TRAF2: variants seen among roughly 807,000 people sequenced by gnomAD.
TRAF2 encodes the protein TNF receptor-associated factor 2.
Under a neutral mutation model 55.6 loss-of-function variants are expected in TRAF2, and 6 were observed. That is an observed-to-expected ratio of 0.11 (90% CI 0.06 to 0.21). TRAF2 has a LOEUF of 0.21. TRAF2 is among the 10% of genes least tolerant of loss of function. The pLI is 1.00. For missense variants in TRAF2, 561 were observed against 684.5 expected (o/e 0.82, Z 2.01); for synonymous variants, 329 against 276.3 (o/e 1.19, Z -1.89).
At chr9:136,898,611 C>T in intron 1 of TRAF2, 102 bp from the exon 2 acceptor site, 6 of 1,509,052 alleles carry the variant, frequency 4.0e-6, no homozygotes, top group South Asian at 1.3e-5. Flanking sequence ...TCAGTGGGGA[C>T]CCGGCCCCTC....
chr9:136,925,714 G>A lies in TRAF2; in HGVS notation c.1319G>A (p.Arg440Gln), dbSNP rs540379507. 4.0e-5 allele frequency: 65 copies of A among 1,614,160 alleles called. No homozygotes were observed. Among genetic ancestry groups the A allele is most frequent in the East Asian group, 6.7e-5 (3 of 44,890 alleles). ...VTLMLLDQNN[R>Q]EHVIDAFRPD... ...TTAATGCTGCTCGACCAGAATAACCGGGAGCACGTGATTGACGCCTTCAGG... is the reference window on the plus strand; with the variant it reads ...TTAATGCTGCTCGACCAGAATAACCAGGAGCACGTGATTGACGCCTTCAGG... Residue 440 changes from arginine to glutamine, a missense_variant, in exon 11 of 11, where the codon CGG (arginine) becomes CAG (glutamine). Physicochemically the swap from Arg to Gln is conservative, Grantham distance 43. This residue lies in a region of TRAF2 where 135 missense variants were observed against 207.7 expected (regional missense o/e 0.65). Transcript: ENST00000247668.
chr9:136,906,247 C>G (rs999244503), intron 4 of TRAF2, among the ~76,000 whole-genome samples: 2 of 152,148 alleles, frequency 1.3e-5, no homozygotes, highest in Non-Finnish European at 2.9e-5. Flanking sequence ...CCCCTGCACT[C>G]CAGCCTAGGT....
chr9:136,925,347 C>G (rs1452368354), intron 10 of TRAF2, among the ~76,000 whole-genome samples: 1 of 152,208 alleles, frequency 6.6e-6, no homozygotes, highest in East Asian at 1.9e-4. Flanking sequence ...AATGTCTTTG[C>G]CAGATGTGTT....
At chr9:136,913,407 C>T (rs945599826) in intron 6 of TRAF2, among the ~76,000 whole-genome samples, 16 of 137,800 alleles carry the variant, frequency 1.2e-4, no homozygotes, top group African/African-American at 3.9e-4. Context: ...AAGTGATTCT[C>T]CTGCCTCAGC....
rs144092600 is a variant in TRAF2, at chr9:136,925,779, G to A, written c.1384G>A (p.Asp462Asn). ...TSSSFQRPVNDMNIASGCPLF... is the reference protein window; with the variant it reads ...TSSSFQRPVNNMNIASGCPLF... The stretch of plus-strand genomic sequence containing the variant: ...ATCCTCTTTTCAGAGGCCAGTCAAC[G>A]ACATGAACATCGCAAGCGGCTGCCC... The change falls in exon 11 of 11, where the codon GAC (aspartate) becomes AAC (asparagine). Residue 462 changes from aspartate to asparagine, a missense_variant. Physicochemically the swap from Asp to Asn is conservative, Grantham distance 23. This residue lies in a region of TRAF2 where 135 missense variants were observed against 207.7 expected (regional missense o/e 0.65). Coordinates refer to ENST00000247668, the MANE Select transcript of TRAF2 (RefSeq NM_021138.4). 1.6e-5 allele frequency: 26 copies of A among 1,614,106 alleles called. No homozygotes were observed. The highest frequency in any genetic ancestry group is 6.7e-5 in the Admixed American group (4 of 60,012).
rs554173305 is a variant in TRAF2, at chr9:136,925,542, G to A, written c.1288-141G>A. 4.8e-5 allele frequency: 39 copies of A among 805,854 alleles called. No homozygotes were observed. In the Middle Eastern group the frequency reaches 1.1e-3, roughly 23 times the overall value. 49.9% of individuals were successfully genotyped at this position (805,854 alleles called of 1,614,324 possible). ...TGGCAGGAGCAAGGCCGCCCACCACGTGGTCTCGGCTGGGCCTCAGCCTCT... is the reference window on the plus strand; with the variant it reads ...TGGCAGGAGCAAGGCCGCCCACCACATGGTCTCGGCTGGGCCTCAGCCTCT... On this transcript the variant is annotated intron_variant, in intron 10 of 10. Transcript: ENST00000247668.
chr9:136,926,314 C>T lies in TRAF2; in HGVS notation c.*413C>T, dbSNP rs535735466. 7 of 353,308 alleles carry T rather than the reference C, an allele frequency of 2.0e-5. No homozygotes were observed. Among genetic ancestry groups the T allele is most frequent in the African/African-American group, 6.4e-5 (3 of 46,882 alleles). 21.9% of individuals were successfully genotyped at this position (353,308 alleles called of 1,614,324 possible). Reference sequence around the variant, plus strand: ...GTCCCTCGGGCATGACAGGCAGAAACGAGGGCTGCTCCAGGAGAAGGGCCT... The same window carrying T: ...GTCCCTCGGGCATGACAGGCAGAAATGAGGGCTGCTCCAGGAGAAGGGCCT... On this transcript the variant is annotated 3_prime_UTR_variant, in exon 11 of 11. Transcript: ENST00000247668.
intron 7 of TRAF2, among the ~76,000 whole-genome samples, chr9:136,919,994 A>G (rs1010698113): frequency 2.6e-5 from 4 of 152,190 alleles, no homozygotes; most frequent in African/African-American, 9.7e-5. Context: ...CTGGAATCAC[A>G]GTTGCTAGCT....
chr9:136,912,223 C>T (rs541192769), intron 6 of TRAF2, among the ~76,000 whole-genome samples: 27 of 126,934 alleles, frequency 2.1e-4, no homozygotes, highest in Non-Finnish European at 3.4e-4. Flanking sequence ...AGTGCAGTGG[C>T]GCAATCTCGG....
intron 8 of TRAF2, among the ~76,000 whole-genome samples, 200 bp from the exon 9 acceptor site, chr9:136,920,838 G>A (rs572918257): frequency 5.9e-5 from 9 of 152,280 alleles, no homozygotes; most frequent in East Asian, 1.9e-4. Context: ...TTGCTGGCCC[G>A]GAGCTTCTGT....
chr9:136,883,090 G>C (rs1849393102), upstream of TRAF2, among the ~76,000 whole-genome samples: 1 of 152,050 alleles, frequency 6.6e-6, no homozygotes, highest in South Asian at 2.1e-4. Context: ...GGCTGGTCTT[G>C]AACTCCTGAT....
At chr9:136,906,118 C>G (rs188136213) in intron 4 of TRAF2, among the ~76,000 whole-genome samples, 1 of 151,934 alleles carries the variant, frequency 6.6e-6, no homozygotes, top group African/African-American at 2.4e-5. Context: ...AACAAAAAAC[C>G]AAGATGGCTC....
chr9:136,920,179 G>A lies in TRAF2; in HGVS notation c.679-55G>A, dbSNP rs550577132. ...GGCCCACGTCTTGGTGGCCGTCCCC[G>A]GGTGGGAGCCGAATGGTGGATGGAG... On this transcript the variant is annotated intron_variant, in intron 7 of 10. Transcript: ENST00000247668. The A allele has an allele frequency of 2.1e-5, 32 of 1,531,840 alleles. No homozygotes were observed. The African/African-American group carries it at 2.7e-4, about 13-fold the overall frequency. The allele number at this position is 1,531,840 out of a possible 1,614,324, so 94.9% of individuals were successfully genotyped here. A position where few individuals can be genotyped will look rare whatever the true frequency, so the allele number is the denominator to read the frequency against.
chr9:136,887,165 C>CA, intron 1 of TRAF2, among the ~76,000 whole-genome samples: 1 of 152,214 alleles, frequency 6.6e-6, no homozygotes, highest in East Asian at 1.9e-4. Context: ...TCGGGGGCAG[C>CA]AAGGAGCCAG....
chr9:136,920,673 G>A (rs968111026), intron 8 of TRAF2, among the ~76,000 whole-genome samples, 158 bp downstream of exon 8: 26 of 152,308 alleles, frequency 1.7e-4, no homozygotes, highest in African/African-American at 5.5e-4. Flanking sequence ...GGGAGGCTCT[G>A]GCCCCCTTCA....
intron 4 of TRAF2, 87 bp downstream of exon 4, chr9:136,900,607 G>A: frequency 9.3e-7 from 1 of 1,069,672 alleles, no homozygotes; most frequent in Non-Finnish European, 1.4e-6. Flanking sequence ...ACCTTGTCCT[G>A]CACGTTCCTC....
upstream of TRAF2, chr9:136,882,570 A>G (rs1849387092): frequency 2.8e-5 from 19 of 671,728 alleles, no homozygotes; most frequent in Non-Finnish European, 3.5e-5. Context: ...AGGCAGTGAG[A>G]GGGTGCTGGG....
intron 6 of TRAF2, among the ~76,000 whole-genome samples, chr9:136,914,295 A>G (rs544976016): frequency 1.3e-5 from 2 of 151,930 alleles, no homozygotes; most frequent in South Asian, 4.2e-4. Flanking sequence ...TCCCACACCT[A>G]CCCTACCTGG....
chr9:136,909,224 G>A (rs1291905547), intron 5 of TRAF2, among the ~76,000 whole-genome samples: 4 of 152,082 alleles, frequency 2.6e-5, no homozygotes, highest in African/African-American at 7.2e-5. Flanking sequence ...TCCCCAAAGC[G>A]TTGGTGAGAA....
Sources: gnomAD v4.1 joint callset for allele counts (sites outside exome capture counted in the v4.1 genomes callset) on GRCh38, gnomAD v4.1.1 for gene constraint, gnomAD v4.1.1 regional missense constraint, MANE v1.5 for transcripts, NCBI Gene and HGNC (gene_info 2026-07-23, HGNC 2026-07-21) for gene names.